The following TEX36 variants were observed in gnomAD, a reference collection of about 807,000 sequenced individuals.
TEX36 encodes testis expressed 36.
In TEX36, 12 loss-of-function variants were observed where a neutral mutation model predicts 13.6. That is an observed-to-expected ratio of 0.88 (90% CI 0.56 to 1.43). The LOEUF is 1.43. Ranked by LOEUF, TEX36 falls within the 40% of genes most tolerant of loss-of-function variation. The pLI, the probability that TEX36 is intolerant of heterozygous loss-of-function variation, is 0.00. For synonymous variants in TEX36, 93 were observed against 83.0 expected (o/e 1.12, Z -0.65); for missense variants, 224 against 228.3 (o/e 0.98, Z 0.12).
At chr10:125,679,696 G>C (rs912698949) in intron 1 of TEX36, among the ~76,000 whole-genome samples, 1 of 152,260 alleles carries the variant, frequency 6.6e-6, no homozygotes, top group Middle Eastern at 3.4e-3. Context: ...CCCCACGTAC[G>C]GTGTTTCCTG....
intron 3 of TEX36, among the ~76,000 whole-genome samples, chr10:125,630,423 A>T (rs1846538029): frequency 6.6e-6 from 1 of 152,086 alleles, no homozygotes; most frequent in South Asian, 2.1e-4. Flanking sequence ...TGGGCTGTTC[A>T]TGTGGGCTAG....
intron 3 of TEX36, among the ~76,000 whole-genome samples, chr10:125,599,098 C>T (rs910651522): frequency 6.6e-5 from 10 of 152,070 alleles, no homozygotes; most frequent in Non-Finnish European, 1.5e-5. Context: ...TTGGATTTTT[C>T]TTCTTAAAAT....
intron 3 of TEX36, among the ~76,000 whole-genome samples, chr10:125,608,367 G>T (rs1846241811): frequency 6.6e-6 from 1 of 152,136 alleles, no homozygotes; most frequent in African/African-American, 2.4e-5. Context: ...AATATAAATT[G>T]TAACTTAGTA....
chr10:125,657,861 T>C (rs1396663854), intron 3 of TEX36, among the ~76,000 whole-genome samples: 1 of 152,172 alleles, frequency 6.6e-6, no homozygotes, highest in Non-Finnish European at 1.5e-5. Context: ...GGGGAAAAGC[T>C]ACAGTTATTA....
chr10:125,618,115 C>T (rs9732207), downstream of TEX36, among the ~76,000 whole-genome samples: 3,024 of 151,904 alleles, frequency 0.02, 113 homozygotes, highest in African/African-American at 0.069. Flanking sequence ...ACGTAGTTCT[C>T]GAACCTTGGT....
chr10:125,680,976 A>G (rs972357005), intron 1 of TEX36, among the ~76,000 whole-genome samples: 3 of 152,198 alleles, frequency 2.0e-5, no homozygotes, highest in African/African-American at 7.2e-5. Flanking sequence ...GTTAAAAAAA[A>G]CACCTCCTCA....
rs185157377 is a variant in TEX36, at chr10:125,596,855, G to A, written c.265-19981C>T. 4.6e-5 allele frequency among the ~76,000 whole-genome samples: 7 copies of A among 152,288 alleles called. No individual in the cohort carries two copies. The East Asian group carries it at 1.4e-3, about 29-fold the overall frequency. On this transcript the variant is annotated intron_variant, in intron 3 of 3. Coordinates refer to the TEX36 transcript ENST00000532135. ...AATATAACAGATAACCTGGGACTCT[G>A]GATTCAGAAATTCCTGGCTGGGAAT...
intron 3 of TEX36, among the ~76,000 whole-genome samples, chr10:125,578,015 A>T (rs754447326): frequency 6.6e-6 from 1 of 152,246 alleles, no homozygotes; most frequent in Non-Finnish European, 1.5e-5. Flanking sequence ...TCAGCATTAT[A>T]GTCATTAATC....
intron 3 of TEX36, among the ~76,000 whole-genome samples, chr10:125,594,955 A>G (rs1025688965): frequency 1.3e-5 from 2 of 152,232 alleles, no homozygotes; most frequent in East Asian, 1.9e-4. Flanking sequence ...AAGAAGCTCT[A>G]GAAGGAGAAA....
At chr10:125,605,340 C>A (rs1846202417) in intron 3 of TEX36, among the ~76,000 whole-genome samples, 1 of 152,030 alleles carries the variant, frequency 6.6e-6, no homozygotes, top group Non-Finnish European at 1.5e-5. Context: ...CAGCATAGTG[C>A]AGCAATGTGG....
At chr10:125,663,677 G>A (rs1380566388) in intron 1 of TEX36, among the ~76,000 whole-genome samples, 4 of 152,038 alleles carry the variant, frequency 2.6e-5, no homozygotes, top group Non-Finnish European at 1.5e-5. Flanking sequence ...TCATATGCCT[G>A]TTTCCCATTT....
At chr10:125,624,683 A>G (rs1846465889) in intron 3 of TEX36, among the ~76,000 whole-genome samples, 1 of 151,982 alleles carries the variant, frequency 6.6e-6, no homozygotes, top group African/African-American at 2.4e-5. Context: ...TCTACAGAAA[A>G]AAAAAAAAAG....
In TEX36 at chr10:125,587,719, G is replaced by C. The variant is rs148982877; in HGVS notation, c.265-10845C>G. Among the ~76,000 whole-genome samples, 727 of 149,508 alleles carry C rather than the reference G, an allele frequency of 4.9e-3. 7 individuals are homozygous for C. The highest frequency in any genetic ancestry group is 0.016 in the African/African-American group (661 of 40,838). On this transcript the variant is annotated intron_variant, in intron 3 of 3. Transcript: ENST00000532135. ...GGAGAATTGCTTGAACTGGGAGGTAGAGGTTGCAGTGAGCCAAGATCTCAC... is the reference window on the plus strand; with the variant it reads ...GGAGAATTGCTTGAACTGGGAGGTACAGGTTGCAGTGAGCCAAGATCTCAC...
At chr10:125,647,099 C>G (rs574236466) in intron 3 of TEX36, among the ~76,000 whole-genome samples, 14 of 152,248 alleles carry the variant, frequency 9.2e-5, no homozygotes, top group African/African-American at 2.9e-4. Context: ...GCTAGAATGG[C>G]TGAAGTTTAG....
chr10:125,587,637 A>G (rs1261914418), intron 3 of TEX36, among the ~76,000 whole-genome samples: 1 of 152,040 alleles, frequency 6.6e-6, no homozygotes, highest in African/African-American at 2.4e-5. Flanking sequence ...AAATACGAAA[A>G]TTAGCCAGGC....
chr10:125,682,016 C>T (rs1847402684), intron 1 of TEX36, among the ~76,000 whole-genome samples: 1 of 152,160 alleles, frequency 6.6e-6, no homozygotes, highest in Admixed American at 6.5e-5. Flanking sequence ...AAAATTTTAA[C>T]AATTTTTTAC....
At chr10:125,633,199 C>T (rs115783546) in intron 3 of TEX36, among the ~76,000 whole-genome samples, 5 of 152,062 alleles carry the variant, frequency 3.3e-5, no homozygotes, top group African/African-American at 1.2e-4. Flanking sequence ...GGGAAAATTC[C>T]CTAAAGACGG....
chr10:125,663,379 C>T (rs1019464053), intron 1 of TEX36, among the ~76,000 whole-genome samples: 26 of 152,012 alleles, frequency 1.7e-4, no homozygotes, highest in Non-Finnish European at 2.1e-4. Flanking sequence ...TGCAGGTATC[C>T]CTCAGATATA....
chr10:125,652,067 C>G (rs1260843642), downstream of TEX36, among the ~76,000 whole-genome samples: 1 of 152,128 alleles, frequency 6.6e-6, no homozygotes, highest in African/African-American at 2.4e-5. Flanking sequence ...GCCTTACTGC[C>G]CAAGGTAATT....
Sources: allele counts gnomAD v4.1 joint callset (sites outside exome capture counted in the v4.1 genomes callset), GRCh38; gene constraint gnomAD v4.1.1; transcripts MANE v1.5; gene names NCBI Gene and HGNC (gene_info 2026-07-23, HGNC 2026-07-21).